Variants in CPNE8 observed in about 807,000 individuals in gnomAD.
The protein encoded by CPNE8 is copine-8.
In CPNE8, 45 loss-of-function variants were observed where a neutral mutation model predicts 81.5. The observed-to-expected ratio is 0.55, with a 90% CI of 0.44 to 0.71. The LOEUF is 0.71. CPNE8 is among the 30% of genes least tolerant of loss of function. The pLI, the probability that CPNE8 is intolerant of heterozygous loss-of-function variation, is 0.00. For synonymous variants in CPNE8, 252 were observed against 226.3 expected (o/e 1.11, Z -1.02); for missense variants, 594 against 672.1 (o/e 0.88, Z 1.28).
At chr12:38,799,644 A>C (rs1376830699) in intron 6 of CPNE8, among the ~76,000 whole-genome samples, 31 of 152,138 alleles carry the variant, frequency 2.0e-4, no homozygotes, top group Non-Finnish European at 2.9e-5. Context: ...GAACTAGAAA[A>C]GTGGAGGAGT....
chr12:38,667,391 A>G (rs938875615), intron 19 of CPNE8, among the ~76,000 whole-genome samples: 9 of 152,214 alleles, frequency 5.9e-5, no homozygotes, highest in Non-Finnish European at 1.2e-4. Context: ...CTGTTTAGTG[A>G]CTGGTAGAAC....
chr12:38,885,737 A>G (rs1944228783), intron 1 of CPNE8, among the ~76,000 whole-genome samples: 1 of 152,114 alleles, frequency 6.6e-6, no homozygotes, highest in Non-Finnish European at 1.5e-5. Context: ...TCTCAGGTAG[A>G]ATTGTAATCC....
chr12:38,757,036 T>C (rs977948825), intron 10 of CPNE8, among the ~76,000 whole-genome samples: 6 of 152,200 alleles, frequency 3.9e-5, no homozygotes, highest in African/African-American at 1.4e-4. Context: ...TATTTTTACT[T>C]TGTAATGTTA....
intron 10 of CPNE8, among the ~76,000 whole-genome samples, chr12:38,752,304 A>G (rs1259018946): frequency 2.6e-5 from 4 of 152,212 alleles, no homozygotes; most frequent in African/African-American, 4.8e-5. Flanking sequence ...CCTAGGCCTT[A>G]CATTCAAGAG....
chr12:38,768,366 T>C (rs1458515974), intron 7 of CPNE8, among the ~76,000 whole-genome samples: 2 of 152,148 alleles, frequency 1.3e-5, no homozygotes, highest in Non-Finnish European at 2.9e-5. Flanking sequence ...TAAACCAATT[T>C]ATGTACTCAA....
intron 3 of CPNE8, among the ~76,000 whole-genome samples, chr12:38,860,461 G>C (rs1418305229): frequency 1.3e-5 from 2 of 150,742 alleles, no homozygotes; most frequent in African/African-American, 4.9e-5. Flanking sequence ...CCTATTGGTG[G>C]AATTGTAAAA....
At chr12:38,882,708 C>T (rs2137124616) in intron 1 of CPNE8, among the ~76,000 whole-genome samples, 1 of 152,268 alleles carries the variant, frequency 6.6e-6, no homozygotes, top group East Asian at 1.9e-4. Context: ...TCCAGAAATT[C>T]CAAACTCCGT....
chr12:38,840,117 T>C (rs1432813205), intron 4 of CPNE8, among the ~76,000 whole-genome samples, 162 bp from the exon 5 acceptor site: 1 of 152,184 alleles, frequency 6.6e-6, no homozygotes, highest in African/African-American at 2.4e-5. Context: ...TTCCGTGGCT[T>C]ACATGCCAGT....
intron 14 of CPNE8, among the ~76,000 whole-genome samples, chr12:38,698,286 T>A (rs1264294203): frequency 6.6e-6 from 1 of 152,186 alleles, no homozygotes; most frequent in Non-Finnish European, 1.5e-5. Context: ...TGTAAGTTAT[T>A]TATATATTCT....
chr12:38,795,867 G>GGATAGATAGATAGATAGAT (rs1942452714), intron 6 of CPNE8, among the ~76,000 whole-genome samples: 2 of 148,134 alleles, frequency 1.4e-5, no homozygotes, highest in African/African-American at 5.1e-5. Flanking sequence ...ATGGATGGAT[G>GGATAGATAGATAGATAGAT]GATAGATAGA....
At chr12:38,838,583 C>A (rs1418823352) in intron 5 of CPNE8, among the ~76,000 whole-genome samples, 1 of 152,078 alleles carries the variant, frequency 6.6e-6, no homozygotes, top group Non-Finnish European at 1.5e-5. Context: ...TAAAGCTATG[C>A]AAATAAATTG....
chr12:38,688,598 GGTGTGT>G (rs56769844), intron 15 of CPNE8, among the ~76,000 whole-genome samples: 1 of 148,546 alleles, frequency 6.7e-6, no homozygotes, highest in Non-Finnish European at 1.5e-5. Flanking sequence ...AAGAAAATGT[GGTGTGT>G]GTGTGTGTGT....
Position 38,654,083 on chromosome 12 carries a change from C to A in CPNE8, c.1507-13G>T. The A allele has an allele frequency of 6.4e-7, 1 of 1,566,556 alleles. No individual in the cohort carries two copies. The highest frequency in any genetic ancestry group is 1.2e-5 in the South Asian group (1 of 83,698). ...TGAATGGCACAAACTAAAACAGAGA[C>A]GAAAGAAAGTTATTTCACAGACTTT... On this transcript the variant is annotated splice_polypyrimidine_tract_variant and intron_variant, in intron 19 of 19. Transcript: ENST00000331366.
At chr12:38,675,817 G>A (rs756348273) in intron 17 of CPNE8, 43 bp from the exon 18 acceptor site, 13 of 1,265,262 alleles carry the variant, frequency 1.0e-5, no homozygotes, top group Admixed American at 8.6e-5. Flanking sequence ...AAGAAATTGA[G>A]TTCTTAAGAA....
At position 38,718,161 on chromosome 12, in the gene CPNE8, T is replaced by C. The variant is rs534809248; in HGVS notation, c.914+5611A>G. Among the ~76,000 whole-genome samples, 194 of 152,300 alleles carry C rather than the reference T, an allele frequency of 1.3e-3. 1 individual carries two copies. Among genetic ancestry groups the C allele is most frequent in the African/African-American group, 4.4e-3 (183 of 41,552 alleles). The stretch of plus-strand genomic sequence containing the variant: ...TAGCCCAAGGTTTTTGTTTATTTTA[T>C]TCTTTTGCAGTGTCATCAGAGGGCA... On this transcript the variant is annotated intron_variant, in intron 13 of 19. Transcript: ENST00000331366.
At chr12:38,885,628 A>ATTTCAATC (rs1786034810) in intron 1 of CPNE8, among the ~76,000 whole-genome samples, 1 of 152,090 alleles carries the variant, frequency 6.6e-6, no homozygotes, top group Non-Finnish European at 1.5e-5. Context: ...AGTATTATCT[A>ATTTCAATC]TTTCAATCTT....
chr12:38,894,775 T>C (rs1944365583), intron 1 of CPNE8, among the ~76,000 whole-genome samples: 1 of 151,794 alleles, frequency 6.6e-6, no homozygotes, highest in Admixed American at 6.6e-5. Flanking sequence ...AAAATGTTTG[T>C]GTTACTTTCA....
Position 38,663,989 on chromosome 12 carries a change from G to C in CPNE8, c.1506+6740C>G, listed in dbSNP as rs970790417. Among the ~76,000 whole-genome samples the C allele has an allele frequency of 6.6e-5, 10 of 152,166 alleles. No homozygotes were observed. The South Asian group carries it at 1.7e-3, about 25-fold the overall frequency. On this transcript the variant is annotated intron_variant, in intron 19 of 19. Transcript: ENST00000331366. ...GCTGGGAAGGATAGGTGGGGAAAGA[G>C]GGGTAAGGAGACTGTGGTTAATGGA...
intron 14 of CPNE8, among the ~76,000 whole-genome samples, chr12:38,698,401 G>A (rs976381516): frequency 2.2e-4 from 33 of 152,172 alleles, no homozygotes; most frequent in African/African-American, 7.9e-4. Context: ...AAAAAGTTTT[G>A]ATTTTGAAGT....
Sources: gnomAD v4.1 joint callset for allele counts (sites outside exome capture counted in the v4.1 genomes callset) on GRCh38, gnomAD v4.1.1 for gene constraint, MANE v1.5 for transcripts, NCBI Gene and HGNC (gene_info 2026-07-23, HGNC 2026-07-21) for gene names.